Variants in CRYBG3 observed in about 807,000 individuals in gnomAD.
The protein encoded by CRYBG3 is very large A-kinase anchor protein.
In CRYBG3, 127 loss-of-function variants were observed where a neutral mutation model predicts 244.2. That is an observed-to-expected ratio of 0.52 (90% CI 0.45 to 0.60). The LOEUF (loss-of-function observed/expected upper bound fraction) is 0.60, where lower values mean the gene tolerates loss of function less well. Among genes scored for constraint, CRYBG3 ranks in the 20% least tolerant of loss-of-function variants. CRYBG3 has a pLI of 0.00. For synonymous variants in CRYBG3, 1,132 were observed against 1,195.8 expected (o/e 0.95, Z 1.10); for missense variants, 3,325 against 3,442.5 (o/e 0.97, Z 0.85).
In CRYBG3 at chr3:97,892,971, T is replaced by G. The variant is rs1443185174; in HGVS notation, c.7552T>G (p.Ser2518Ala). Residue 2518 changes from serine (S) to alanine (A), a missense_variant, in exon 11 of 22, where the codon TCA becomes GCA. Physicochemically the swap from Ser to Ala is moderately conservative, Grantham distance 99. Transcript: ENST00000389622. ...KNNGDFHRIG[S>A]IRVIGGVWVA... ...TAATGGAGATTTTCACAGAATTGGA[T>G]CAATTCGTGTCATTGGTGGAGTGTG... The G allele has an allele frequency of 6.3e-7, 1 of 1,599,096 alleles. No homozygotes were observed. The highest frequency in any genetic ancestry group is 1.4e-5 in the African/African-American group (1 of 73,850).
At chr3:97,942,811 G>T (rs577544691) in intron 21 of CRYBG3, 5 of 215,456 alleles carry the variant, frequency 2.3e-5, no homozygotes, top group Non-Finnish European at 4.5e-5. Context: ...AGAATTTATG[G>T]TAGGTATCAA....
chr3:97,862,127 G>T lies in CRYBG3; in HGVS notation c.217-2090G>T, dbSNP rs1012232723. ...AAAAATTATTTACTACTTTAAAAAG[G>T]TTAAATGTAAAGTCTTTCATTAGTT... On this transcript the variant is annotated intron_variant, in intron 2 of 21. Transcript: ENST00000389622. 2.0e-5 allele frequency among the ~76,000 whole-genome samples: 3 copies of T among 152,104 alleles called. No individual in the cohort carries two copies. The East Asian group carries it at 5.8e-4, about 29-fold the overall frequency.
intron 1 of CRYBG3, among the ~76,000 whole-genome samples, chr3:97,841,534 C>A (rs563689316): frequency 6.6e-5 from 10 of 151,954 alleles, no homozygotes; most frequent in Non-Finnish European, 1.5e-4. Context: ...TTCTTGGATA[C>A]TGTGCGTAAT....
intron 7 of CRYBG3, among the ~76,000 whole-genome samples, chr3:97,883,388 T>G (rs1456004278): frequency 6.6e-6 from 1 of 152,156 alleles, no homozygotes; most frequent in African/African-American, 2.4e-5. Flanking sequence ...TTTATATCAC[T>G]TGTGGTTTTG....
At chr3:97,885,935 C>T (rs1030921393) in intron 7 of CRYBG3, among the ~76,000 whole-genome samples, 2 of 152,056 alleles carry the variant, frequency 1.3e-5, no homozygotes, top group African/African-American at 2.4e-5. Context: ...TGGGCCTAAC[C>T]AAGGGCTGTG....
chr3:97,898,400 ACTC>A (rs1300698902), intron 12 of CRYBG3, among the ~76,000 whole-genome samples: 2 of 151,750 alleles, frequency 1.3e-5, no homozygotes, highest in Non-Finnish European at 2.9e-5. Flanking sequence ...AAATGTGTTG[ACTC>A]ACTATAAATT....
At chr3:97,833,114 G>A (rs940608387) in intron 1 of CRYBG3, among the ~76,000 whole-genome samples, 2 of 152,170 alleles carry the variant, frequency 1.3e-5, no homozygotes, top group African/African-American at 4.8e-5. Context: ...CAATGTTGGT[G>A]GGAGTGTAAA....
Position 97,929,274 on chromosome 3 carries a change from A to AT in CRYBG3, c.8242-4409dup, listed in dbSNP as rs553900000. Among the ~76,000 whole-genome samples, 39 of 147,550 alleles carry AT rather than the reference A, an allele frequency of 2.6e-4. 1 individual carries two copies. Among genetic ancestry groups the AT allele is most frequent in the East Asian group, 9.9e-4 (5 of 5,072 alleles). On this transcript the variant is annotated intron_variant, in intron 17 of 21. Transcript: ENST00000389622. ...TGTGGAGCTCAAACTGTAATCAAATATTTTTTTTTTTATGCTTGGAAAGTT... is the reference window on the plus strand; with the variant it reads ...TGTGGAGCTCAAACTGTAATCAAATATTTTTTTTTTTTATGCTTGGAAAGTT...
At chr3:97,839,755 CTT>C (rs34730663) in intron 1 of CRYBG3, among the ~76,000 whole-genome samples, 11 of 146,302 alleles carry the variant, frequency 7.5e-5, no homozygotes, top group South Asian at 2.2e-4. Flanking sequence ...GCCCAGCCCC[CTT>C]TTTTTTTTTT....
chr3:97,889,868 G>C (rs757157836), intron 10 of CRYBG3, among the ~76,000 whole-genome samples: 6 of 152,144 alleles, frequency 3.9e-5, no homozygotes, highest in Non-Finnish European at 7.4e-5. Context: ...ATGAAAATGG[G>C]TAGCAGTGGT....
chr3:97,859,960 T>C (rs180710753), intron 2 of CRYBG3, among the ~76,000 whole-genome samples: 2 of 152,312 alleles, frequency 1.3e-5, no homozygotes, highest in Admixed American at 1.3e-4. Context: ...TATACCATAG[T>C]CACTCCCTTT....
chr3:97,910,006 C>A (rs367570160), intron 15 of CRYBG3, among the ~76,000 whole-genome samples: 2 of 151,484 alleles, frequency 1.3e-5, no homozygotes, highest in Non-Finnish European at 2.9e-5. Flanking sequence ...AATACCCTGC[C>A]GTGTGAGGTG....
In CRYBG3 at chr3:97,877,097, C is replaced by G; in HGVS notation, c.5903C>G (p.Thr1968Ser). ...AGACTAGACAAAAGAATGTCTCTTA[C>G]TGCAATATATGACAAGAGGAGAGAG... ...TVRLDKRMSL[T>S]AIYDKRRETD... Residue 1968 changes from threonine (T) to serine (S), a missense_variant, in exon 4 of 22, where the codon ACT becomes AGT. Transcript: ENST00000389622. 1 of 1,612,690 alleles carries G rather than the reference C, an allele frequency of 6.2e-7. No homozygotes were observed. Among genetic ancestry groups the G allele is most frequent in the Non-Finnish European group, 8.5e-7 (1 of 1,179,300 alleles).
chr3:97,867,565 T>C (rs955323222), intron 3 of CRYBG3, among the ~76,000 whole-genome samples: 5 of 152,246 alleles, frequency 3.3e-5, no homozygotes, highest in Non-Finnish European at 1.5e-5. Flanking sequence ...TGAGTAATTA[T>C]GTATTGGGCT....
intron 16 of CRYBG3, among the ~76,000 whole-genome samples, chr3:97,913,448 G>A (rs971092155): frequency 2.0e-5 from 3 of 152,188 alleles, no homozygotes; most frequent in African/African-American, 4.8e-5. Context: ...GCTATTAGAT[G>A]TAGCACAAAA....
At position 97,864,252 on chromosome 3, in the gene CRYBG3, G is replaced by C; in HGVS notation, c.252G>C (p.Glu84Asp). ...GTGAGGACAAAAGGAACCATGCTGA[G>C]AAGCCAGTCACTCTTCCAGTGCAGG... Reference protein sequence around the residue: ...RQSEDKRNHAEKPVTLPVQED... With the variant: ...RQSEDKRNHADKPVTLPVQED... Residue 84 changes from glutamate (E) to aspartate (D), a missense_variant, in exon 3 of 22, where the codon GAG (glutamate) becomes GAC (aspartate). Physicochemically the swap from Glu to Asp is conservative, Grantham distance 45. This residue lies in a region of CRYBG3 where 1,526 missense variants were observed against 1,443.2 expected (regional missense o/e 1.06). Coordinates refer to ENST00000389622, the MANE Select transcript of CRYBG3 (RefSeq NM_153605.4). The C allele has an allele frequency of 6.6e-7, 1 of 1,520,612 alleles. No individual in the cohort carries two copies. The allele number at this position is 1,520,612 out of a possible 1,614,324, so 94.2% of individuals were successfully genotyped here.
At chr3:97,854,360 G>A (rs964335156) in intron 2 of CRYBG3, among the ~76,000 whole-genome samples, 16 of 151,860 alleles carry the variant, frequency 1.1e-4, no homozygotes, top group African/African-American at 3.6e-4. Context: ...ATGAATTTTA[G>A]GATTGTTTTT....
chr3:97,896,011 G>A lies in CRYBG3; in HGVS notation c.7627G>A (p.Glu2543Lys), dbSNP rs776788805. 6 of 1,613,500 alleles carry A rather than the reference G, an allele frequency of 3.7e-6. No individual in the cohort carries two copies. The African/African-American group carries it at 4.0e-5, about 11-fold the overall frequency. The part of the protein sequence containing the change: ...HFKGQQFLLE[E>K]GDFEDSNACG... The stretch of plus-strand genomic sequence containing the variant: ...TAAAGGCCAGCAGTTTCTGCTTGAA[G>A]AAGGAGACTTTGAAGACAGTAATGC... The change falls in exon 12 of 22, where the codon GAA becomes AAA. Residue 2543 changes from glutamate (E) to lysine (K), a missense_variant. Around this residue, in one of 4 missense-constraint regions of CRYBG3, gnomAD observed 714 missense variants for 803.6 expected, o/e 0.89. Coordinates refer to ENST00000389622, the MANE Select transcript of CRYBG3 (RefSeq NM_153605.4).
intron 17 of CRYBG3, among the ~76,000 whole-genome samples, chr3:97,922,463 A>G (rs922534267): frequency 1.3e-5 from 2 of 152,224 alleles, no homozygotes; most frequent in Non-Finnish European, 2.9e-5. Flanking sequence ...AATATCCAGA[A>G]TCTACAAAGA....
Sources: gnomAD v4.1 joint callset for allele counts (sites outside exome capture counted in the v4.1 genomes callset) on GRCh38, gnomAD v4.1.1 for gene constraint, gnomAD v4.1.1 regional missense constraint, MANE v1.5 for transcripts, NCBI Gene and HGNC (gene_info 2026-07-23, HGNC 2026-07-21) for gene names.